The following PCSK5 variants were observed in gnomAD, a reference collection of about 807,000 sequenced individuals.
PCSK5 encodes proprotein convertase subtilisin/kexin type 5, also known as prohormone convertase 5.
PCSK5 carries 129 observed loss-of-function variants against 233.2 expected under a neutral mutation model. The observed-to-expected ratio is 0.55, with a 90% CI of 0.48 to 0.64. The LOEUF is 0.64. Ranked by LOEUF, PCSK5 falls within the 30% of genes least tolerant of loss-of-function variation. The probability of loss-of-function intolerance (pLI) is 0.00; values close to 1 mark genes in which losing one functional copy is unlikely to be tolerated. For missense variants in PCSK5, 2,076 were observed against 2,430.1 expected (o/e 0.85, Z 3.06); for synonymous variants, 825 against 879.2 (o/e 0.94, Z 1.09).
chr9:76,319,202 C>T (rs190295180), intron 30 of PCSK5, among the ~76,000 whole-genome samples: 87 of 152,140 alleles, frequency 5.7e-4, no homozygotes, highest in Admixed American at 1.6e-3. Flanking sequence ...CGGTGGCTCA[C>T]GCCTGTAATC....
intron 2 of PCSK5, among the ~76,000 whole-genome samples, chr9:75,952,947 G>T (rs920994775): frequency 2.0e-5 from 3 of 152,118 alleles, no homozygotes; most frequent in Non-Finnish European, 4.4e-5. Context: ...TAAGATAAAT[G>T]CACAGTCAGG....
chr9:75,907,162 C>T lies in PCSK5; in HGVS notation c.192+15789C>T, dbSNP rs555717872. On this transcript the variant is annotated intron_variant, in intron 1 of 37. Transcript: ENST00000674117. The stretch of plus-strand genomic sequence containing the variant: ...TGCATAATAGCTTGCCCAGAATTCT[C>T]TTAGGGAATTAAATATAGTTAAGTT... Among the ~76,000 whole-genome samples, 4 of 151,854 alleles carry T rather than the reference C, an allele frequency of 2.6e-5. No homozygotes were observed. In the East Asian group the frequency reaches 7.7e-4, roughly 29 times the overall value.
rs1825648290 is a variant in PCSK5, at chr9:75,892,400, C to G, written c.192+1027C>G. On this transcript the variant is annotated intron_variant, in intron 1 of 37. Transcript: ENST00000674117. ...AAAGTGGGTCCCAGAAAGTACCCCC[C>G]TCCACATACACACCGCAAGCATCTT... 2.0e-5 allele frequency among the ~76,000 whole-genome samples: 3 copies of G among 152,360 alleles called. No individual in the cohort carries two copies. The South Asian group carries it at 6.2e-4, about 32-fold the overall frequency.
At chr9:76,156,662 C>T (rs577375513) in intron 10 of PCSK5, among the ~76,000 whole-genome samples, 2 of 152,290 alleles carry the variant, frequency 1.3e-5, no homozygotes, top group East Asian at 1.9e-4. Flanking sequence ...AAATCTAGTT[C>T]GACCAGTGAC....
In PCSK5 at chr9:76,067,143, TTC is replaced by T. The variant is rs536937684; in HGVS notation, c.633-810_633-809del. Among the ~76,000 whole-genome samples, 7 of 152,328 alleles carry T rather than the reference TTC, an allele frequency of 4.6e-5. No individual in the cohort carries two copies. In the South Asian group the frequency reaches 1.4e-3, roughly 32 times the overall value. On this transcript the variant is annotated intron_variant, in intron 5 of 37. Transcript: ENST00000674117. ...GCAAATTGTACTTTATACTGAAAAC[TTC>T]TTTGCCATCCTTGAAAGAGGATCTT...
At chr9:76,065,578 G>A (rs1263781502) in intron 5 of PCSK5, among the ~76,000 whole-genome samples, 3 of 151,726 alleles carry the variant, frequency 2.0e-5, no homozygotes, top group Non-Finnish European at 4.4e-5. Context: ...AGAGTTTGCC[G>A]GTATTTTCTC....
intron 3 of PCSK5, among the ~76,000 whole-genome samples, chr9:75,993,405 A>C (rs2792219): frequency 0.73 from 111,317 of 151,966 alleles, 40,997 homozygotes; most frequent in East Asian, 0.82. Context: ...AGACTAGATA[A>C]TTTCTTAAGA....
intron 9 of PCSK5, among the ~76,000 whole-genome samples, chr9:76,116,227 C>G (rs536031669): frequency 3.9e-5 from 6 of 152,142 alleles, no homozygotes; most frequent in Admixed American, 2.6e-4. Flanking sequence ...CTCCAAGCAG[C>G]ACATTCATAG....
At chr9:76,021,426 T>C (rs138470404) in intron 3 of PCSK5, among the ~76,000 whole-genome samples, 56 of 152,104 alleles carry the variant, frequency 3.7e-4, no homozygotes, top group African/African-American at 1.3e-3. Flanking sequence ...TGAAAAAGGC[T>C]ATGTGTTAAG....
At chr9:76,078,659 C>T (rs137939774) in intron 7 of PCSK5, among the ~76,000 whole-genome samples, 19 of 152,154 alleles carry the variant, frequency 1.2e-4, no homozygotes, top group African/African-American at 4.3e-4. Context: ...TTTCTGGATT[C>T]TCTATTATAT....
chr9:76,354,272 C>A, intron 37 of PCSK5, 53 bp downstream of exon 37: 1 of 1,397,144 alleles, frequency 7.2e-7, no homozygotes, highest in Non-Finnish European at 9.7e-7. Context: ...CTCAAGAAGC[C>A]AATGGGAGCA....
intron 9 of PCSK5, among the ~76,000 whole-genome samples, chr9:76,123,919 T>G (rs1388641697): frequency 6.9e-6 from 1 of 145,162 alleles, no homozygotes; most frequent in Non-Finnish European, 1.5e-5. Flanking sequence ...AGTCTTTAAC[T>G]AGAAGTCCTG....
intron 20 of PCSK5, among the ~76,000 whole-genome samples, chr9:76,198,920 T>A (rs1423380595): frequency 6.6e-6 from 1 of 152,222 alleles, no homozygotes; most frequent in Non-Finnish European, 1.5e-5. Context: ...GCCCTTGCAC[T>A]ACAAGCTTCC....
Position 76,189,287 on chromosome 9 carries a change from T to TAATAA in PCSK5, c.2510+66_2510+67insTAAAA. 2 of 1,206,560 alleles carry TAATAA rather than the reference T, an allele frequency of 1.7e-6. 1 individual carries two copies. Among genetic ancestry groups the TAATAA allele is most frequent in the Middle Eastern group, 5.8e-4 (2 of 3,430 alleles). 74.7% of individuals were successfully genotyped at this position (1,206,560 alleles called of 1,614,324 possible). A position where few individuals can be genotyped will look rare whatever the true frequency, so the allele number is the denominator to read the frequency against. Reference sequence around the variant, plus strand: ...TAAGTTCTTTTGATGACTATCTTCATAAGAAAATAAGAAAACTTAGAATTT... The same window carrying TAATAA: ...TAAGTTCTTTTGATGACTATCTTCATAATAAAAGAAAATAAGAAAACTTAGAATTT... On this transcript the variant is annotated intron_variant, in intron 19 of 37. Transcript: ENST00000674117.
At position 76,200,587 on chromosome 9, in the gene PCSK5, G is replaced by T. The variant is rs550534388; in HGVS notation, c.2626+10841G>T. On this transcript the variant is annotated intron_variant, in intron 20 of 37. Coordinates refer to ENST00000674117, the MANE Select transcript of PCSK5 (RefSeq NM_001372043.1). ...CTTAAGAAATATTTGTGGAATGAAT[G>T]AATAAGAAAACATCCGAGAGAAGTG... 1.3e-3 allele frequency among the ~76,000 whole-genome samples: 197 copies of T among 152,314 alleles called. 1 individual carries two copies. The highest frequency in any genetic ancestry group is 2.4e-3 in the Non-Finnish European group (165 of 68,020).
chr9:76,310,074 C>G (rs942343801), intron 29 of PCSK5, among the ~76,000 whole-genome samples: 2 of 151,880 alleles, frequency 1.3e-5, no homozygotes, highest in Non-Finnish European at 2.9e-5. Flanking sequence ...ATGGTGAAAC[C>G]CCGTGTCTAC....
At chr9:76,076,066 TC>T (rs1157752860) in intron 7 of PCSK5, among the ~76,000 whole-genome samples, 1 of 152,172 alleles carries the variant, frequency 6.6e-6, no homozygotes, top group Admixed American at 6.5e-5. Context: ...AGACAGAACA[TC>T]CTCTTTGAGG....
At position 76,347,598 on chromosome 9, in the gene PCSK5, T is replaced by C. The variant is rs931518077; in HGVS notation, c.4967-3230T>C. 2.0e-5 allele frequency among the ~76,000 whole-genome samples: 3 copies of C among 152,112 alleles called. No individual in the cohort carries two copies. The East Asian group carries it at 5.8e-4, about 29-fold the overall frequency. ...TTTATTGTTGGTCTTCTAGAAAATG[T>C]AACCAAACTTGGCCAGGTGCAGTGG... is the stretch of plus-strand genomic sequence containing the variant. On this transcript the variant is annotated intron_variant, in intron 35 of 37. Transcript: ENST00000674117.
At chr9:76,119,211 C>T (rs1239868016) in intron 9 of PCSK5, among the ~76,000 whole-genome samples, 1 of 152,024 alleles carries the variant, frequency 6.6e-6, no homozygotes, top group Admixed American at 6.6e-5. Context: ...ACCTAATACT[C>T]TTTCATGTTC....
Sources: allele counts gnomAD v4.1 joint callset (sites outside exome capture counted in the v4.1 genomes callset), GRCh38; gene constraint gnomAD v4.1.1; transcripts MANE v1.5; gene names NCBI Gene and HGNC (gene_info 2026-07-23, HGNC 2026-07-21).